LINGO1: variants seen among roughly 807,000 people sequenced by gnomAD.
LINGO1 encodes the protein leucine rich repeat and Ig domain containing 1.
Under a neutral mutation model 37.3 loss-of-function variants are expected in LINGO1, and 11 were observed. The ratio of observed to expected loss-of-function variants is 0.29; its 90% CI spans 0.19 to 0.49. The LOEUF is 0.49. LINGO1 is among the 20% of genes least tolerant of loss of function. LINGO1 has a pLI of 0.99. For synonymous variants in LINGO1, 387 were observed against 403.0 expected (o/e 0.96, Z 0.48); for missense variants, 585 against 878.2 (o/e 0.67, Z 4.22).
At chr15:77,814,389 C>A (rs2077031921) in intron 1 of LINGO1, among the ~76,000 whole-genome samples, 1 of 152,152 alleles carries the variant, frequency 6.6e-6, no homozygotes, top group South Asian at 2.1e-4. Flanking sequence ...ATTGGAACTA[C>A]CATGAGGACT....
At chr15:77,739,746 G>A (rs2076241677) in intron 1 of LINGO1, among the ~76,000 whole-genome samples, 2 of 152,322 alleles carry the variant, frequency 1.3e-5, no homozygotes, top group South Asian at 2.1e-4. Context: ...CTGAGGTGCT[G>A]CCAAAGACAG....
chr15:77,629,335 C>T (rs2074186156), intron 1 of LINGO1, among the ~76,000 whole-genome samples: 1 of 152,190 alleles, frequency 6.6e-6, no homozygotes, highest in African/African-American at 2.4e-5. Context: ...CACAACCAAA[C>T]AGAGGTCAGC....
intron 1 of LINGO1, among the ~76,000 whole-genome samples, chr15:77,783,169 C>A (rs2076737658): frequency 6.6e-6 from 1 of 152,188 alleles, no homozygotes. Flanking sequence ...ATTCCACGGC[C>A]CTGTCGTTTC....
chr15:77,809,832 TCA>T (rs1300368101), intron 1 of LINGO1, among the ~76,000 whole-genome samples: 4 of 152,160 alleles, frequency 2.6e-5, no homozygotes, highest in Non-Finnish European at 5.9e-5. Flanking sequence ...TGCCCCTGTC[TCA>T]CAGCTCCCAT....
chr15:77,613,903 C>G lies in LINGO1; in HGVS notation c.*141G>C, dbSNP rs939456626. Reference sequence around the variant, plus strand: ...GGTGGTGAGGGCTGGCGGGGGGCAGCAGGGGACGGAGGCGGGAGGGAGAAA... The same window carrying G: ...GGTGGTGAGGGCTGGCGGGGGGCAGGAGGGGACGGAGGCGGGAGGGAGAAA... On this transcript the variant is annotated 3_prime_UTR_variant, in exon 2 of 2. Coordinates refer to ENST00000355300, the MANE Select transcript of LINGO1 (RefSeq NM_032808.7). The G allele has an allele frequency of 2.7e-6, 2 of 733,798 alleles. No homozygotes were observed. Among genetic ancestry groups the G allele is most frequent in the Non-Finnish European group, 4.3e-6 (2 of 461,262 alleles). 45.5% of individuals were successfully genotyped at this position (733,798 alleles called of 1,614,324 possible).
chr15:77,665,103 GCCCCAT>G (rs1336354573), intron 3 of LINGO1, among the ~76,000 whole-genome samples: 2 of 152,166 alleles, frequency 1.3e-5, no homozygotes. Context: ...GCTGTTCTGA[GCCCCAT>G]GAGGTGTATG....
chr15:77,623,017 G>C (rs1391555510), intron 1 of LINGO1, among the ~76,000 whole-genome samples: 1 of 152,168 alleles, frequency 6.6e-6, no homozygotes, highest in African/African-American at 2.4e-5. Flanking sequence ...CTCCGAAGTG[G>C]GACCGGGCCT....
At chr15:77,775,448 C>A (rs1213880662) in intron 1 of LINGO1, among the ~76,000 whole-genome samples, 1 of 152,138 alleles carries the variant, frequency 6.6e-6, no homozygotes, top group Non-Finnish European at 1.5e-5. Flanking sequence ...TGTTACTGTC[C>A]CTGTGGGCTT....
intron 1 of LINGO1, among the ~76,000 whole-genome samples, chr15:77,775,686 C>T (rs1158392114): frequency 6.6e-6 from 1 of 152,138 alleles, no homozygotes; most frequent in African/African-American, 2.4e-5. Context: ...ATGCCTGAGC[C>T]GAGGCTCTCC....
chr15:77,714,945 T>C (rs879466562), intron 2 of LINGO1, among the ~76,000 whole-genome samples: 15 of 152,210 alleles, frequency 9.9e-5, no homozygotes, highest in Non-Finnish European at 2.1e-4. Context: ...AGCCATAACG[T>C]GCTAAAATTA....
At chr15:77,750,714 A>G (rs2076362826) in intron 1 of LINGO1, among the ~76,000 whole-genome samples, 1 of 152,204 alleles carries the variant, frequency 6.6e-6, no homozygotes, top group Non-Finnish European at 1.5e-5. Context: ...CTTTCCACCC[A>G]AAGATATTTT....
intron 1 of LINGO1, among the ~76,000 whole-genome samples, chr15:77,808,161 C>T (rs1421419474): frequency 6.6e-6 from 1 of 152,080 alleles, no homozygotes; most frequent in African/African-American, 2.4e-5. Context: ...CAGACCTGGA[C>T]ACAATTCTCC....
chr15:77,717,542 C>T (rs2075999255), intron 2 of LINGO1, among the ~76,000 whole-genome samples: 1 of 150,948 alleles, frequency 6.6e-6, no homozygotes, highest in Admixed American at 6.6e-5. Flanking sequence ...ACTGTCCTGC[C>T]TGTGAAAGCA....
chr15:77,720,974 C>T (rs541195886), intron 2 of LINGO1, among the ~76,000 whole-genome samples: 3 of 152,082 alleles, frequency 2.0e-5, no homozygotes, highest in Admixed American at 6.6e-5. Flanking sequence ...GGTCAGCAGG[C>T]CTGGAGAGGA....
At chr15:77,721,464 T>C (rs2076049041) in intron 2 of LINGO1, among the ~76,000 whole-genome samples, 1 of 152,156 alleles carries the variant, frequency 6.6e-6, no homozygotes, top group Non-Finnish European at 1.5e-5. Context: ...TCCTCTTAAA[T>C]ACCCTGACAG....
At chr15:77,734,084 T>C (rs1020642428) in intron 2 of LINGO1, among the ~76,000 whole-genome samples, 4 of 152,152 alleles carry the variant, frequency 2.6e-5, no homozygotes, top group South Asian at 2.1e-4. Context: ...ACCCCTGCCC[T>C]GGGCCGTGCG....
chr15:77,652,483 A>AGTGTGTGTGTGTGTGTGTGTGTGTGT (rs773433884), intron 3 of LINGO1, among the ~76,000 whole-genome samples: 17 of 128,958 alleles, frequency 1.3e-4, no homozygotes, highest in South Asian at 8.4e-4. Flanking sequence ...GGGGAGGGAG[A>AGTGTGTGTGTGTGTGTGTGTGTGTGT]GTGTGTGTGT....
At chr15:77,744,975 G>A (rs533332372) in intron 1 of LINGO1, among the ~76,000 whole-genome samples, 58 of 151,240 alleles carry the variant, frequency 3.8e-4, no homozygotes, top group African/African-American at 1.1e-3. Context: ...AAAAATAGCC[G>A]GGCATGGTGG....
chr15:77,740,390 T>C (rs1322451202), intron 1 of LINGO1, among the ~76,000 whole-genome samples: 1 of 152,190 alleles, frequency 6.6e-6, no homozygotes, highest in African/African-American at 2.4e-5. Flanking sequence ...CCTAGCCTGA[T>C]GTCTGCCCCC....
Sources: gnomAD v4.1 joint callset for allele counts (sites outside exome capture counted in the v4.1 genomes callset) on GRCh38, gnomAD v4.1.1 for gene constraint, MANE v1.5 for transcripts, NCBI Gene and HGNC (gene_info 2026-07-23, HGNC 2026-07-21) for gene names.